The following NTRK2 variants were observed in gnomAD, a reference collection of about 807,000 sequenced individuals.
NTRK2 encodes neurotrophic receptor tyrosine kinase 2.
A neutral mutation model predicts 94.5 loss-of-function variants in NTRK2; 13 were observed. That is an observed-to-expected ratio of 0.14 (90% CI 0.09 to 0.22). The LOEUF (loss-of-function observed/expected upper bound fraction) is 0.22, where lower values mean the gene tolerates loss of function less well. NTRK2 is among the 10% of genes least tolerant of loss of function. NTRK2 has a pLI of 1.00. For synonymous variants in NTRK2, 372 were observed against 407.4 expected (o/e 0.91, Z 1.05); for missense variants, 639 against 1,071.2 (o/e 0.60, Z 5.63).
intron 13 of NTRK2, among the ~76,000 whole-genome samples, chr9:84,862,040 A>G (rs891553466): frequency 6.6e-6 from 1 of 152,166 alleles, no homozygotes; most frequent in African/African-American, 2.4e-5. Flanking sequence ...CCAGTGATCC[A>G]AAAATGACCA....
At chr9:84,931,701 G>T (rs1463812468) in intron 14 of NTRK2, among the ~76,000 whole-genome samples, 3 of 130,452 alleles carry the variant, frequency 2.3e-5, no homozygotes, top group African/African-American at 9.0e-5. Flanking sequence ...AAGAAAGAAG[G>T]TATGTAATAA....
intron 12 of NTRK2, among the ~76,000 whole-genome samples, chr9:84,858,841 T>C (rs1304008685): frequency 1.3e-5 from 2 of 152,168 alleles, no homozygotes; most frequent in African/African-American, 4.8e-5. Context: ...TTTTGGTGAT[T>C]TTGGAGCATG....
At chr9:84,748,582 A>G (rs2064299574) in intron 11 of NTRK2, among the ~76,000 whole-genome samples, 1 of 152,200 alleles carries the variant, frequency 6.6e-6, no homozygotes, top group Admixed American at 6.5e-5. Flanking sequence ...AATCCCAGTT[A>G]AGGACTGTCC....
At chr9:84,835,873 C>A (rs917335367) in intron 12 of NTRK2, among the ~76,000 whole-genome samples, 2 of 152,192 alleles carry the variant, frequency 1.3e-5, no homozygotes, top group Non-Finnish European at 2.9e-5. Flanking sequence ...GCAATGCCAG[C>A]AAATCCTAAT....
rs146391556 is a variant in NTRK2 at position 85,008,935 on chromosome 9, C to T, written c.2173-11271C>T. On this transcript the variant is annotated intron_variant, in intron 17 of 18. Transcript: ENST00000277120. ...ACATCACCTCTTCAGAACTTTTAGT[C>T]TACTGGGGAAGTTTATAGGCTTGAT... 9.6e-4 allele frequency among the ~76,000 whole-genome samples: 147 copies of T among 152,342 alleles called. No individual in the cohort carries two copies. The East Asian group carries it at 0.016, about 17-fold the overall frequency.
chr9:84,804,380 G>A (rs2070858299), intron 12 of NTRK2, among the ~76,000 whole-genome samples: 1 of 152,186 alleles, frequency 6.6e-6, no homozygotes, highest in Non-Finnish European at 1.5e-5. Flanking sequence ...GCTGACCTAT[G>A]TGTACTTCTT....
intron 2 of NTRK2, among the ~76,000 whole-genome samples, chr9:84,692,112 A>G (rs531220417): frequency 1.3e-5 from 2 of 152,152 alleles, no homozygotes; most frequent in Non-Finnish European, 2.9e-5. Flanking sequence ...AATTGGTGCC[A>G]TGGTACCTGT....
intron 17 of NTRK2, 127 bp downstream of exon 17, chr9:84,955,644 T>C: frequency 1.2e-6 from 1 of 815,310 alleles, no homozygotes; most frequent in Non-Finnish European, 2.0e-6. Flanking sequence ...GACATGTGTT[T>C]CTCATGGCTC....
rs1164066847 is a variant in NTRK2, at chr9:84,871,257, G to C, written c.1633+3826G>C. ...AAACAGGCTGAAGGAAAAATGATAT[G>C]GGCTAGTGAGGGCCATGCTGGAGTA... On this transcript the variant is annotated intron_variant, in intron 14 of 18. Coordinates refer to ENST00000277120, the MANE Select transcript of NTRK2 (RefSeq NM_006180.6). 2.0e-5 allele frequency among the ~76,000 whole-genome samples: 3 copies of C among 152,148 alleles called. No individual in the cohort carries two copies. The East Asian group carries it at 5.8e-4, about 29-fold the overall frequency.
At chr9:84,924,620 T>C (rs1260854538) in intron 14 of NTRK2, among the ~76,000 whole-genome samples, 1 of 152,216 alleles carries the variant, frequency 6.6e-6, no homozygotes. Flanking sequence ...ATGTACCGTA[T>C]GTGTATTTTG....
chr9:84,794,736 T>A (rs2069103077), intron 12 of NTRK2, among the ~76,000 whole-genome samples: 1 of 152,184 alleles, frequency 6.6e-6, no homozygotes, highest in South Asian at 2.1e-4. Flanking sequence ...TTCTTGCATA[T>A]AAAGGGACTT....
chr9:84,944,745 G>A (rs1251204505), intron 15 of NTRK2, among the ~76,000 whole-genome samples: 1 of 152,170 alleles, frequency 6.6e-6, no homozygotes, highest in Non-Finnish European at 1.5e-5. Flanking sequence ...ATCTTGGGTT[G>A]GCCCCTGGGC....
At chr9:84,933,163 A>G (rs1255224072) in intron 14 of NTRK2, among the ~76,000 whole-genome samples, 1 of 152,204 alleles carries the variant, frequency 6.6e-6, no homozygotes. Context: ...ATGCACTACC[A>G]TTCAGCAACA....
At chr9:84,680,744 T>C (rs1391730967) in intron 2 of NTRK2, among the ~76,000 whole-genome samples, 2 of 152,208 alleles carry the variant, frequency 1.3e-5, no homozygotes, top group African/African-American at 4.8e-5. Flanking sequence ...GTATTCATTA[T>C]GTCTATTTTC....
chr9:84,724,088 G>C (rs2062269364), intron 7 of NTRK2, 136 bp from the exon 8 acceptor site: 1 of 906,172 alleles, frequency 1.1e-6, no homozygotes, highest in African/African-American at 1.7e-5. Flanking sequence ...TTCTTCGCCT[G>C]AGCCCAGTTC....
chr9:84,917,226 G>A (rs1248230197), intron 14 of NTRK2, among the ~76,000 whole-genome samples: 1 of 152,168 alleles, frequency 6.6e-6, no homozygotes, highest in East Asian at 1.9e-4. Context: ...AAGTGCATTT[G>A]ACCCAAAATA....
intron 12 of NTRK2, among the ~76,000 whole-genome samples, chr9:84,834,469 A>T (rs2073753384): frequency 6.6e-6 from 1 of 152,016 alleles, no homozygotes; most frequent in Non-Finnish European, 1.5e-5. Context: ...TTCTTAAGTC[A>T]CTGTTAACAA....
chr9:84,920,939 TCTA>T (rs1353984584), intron 14 of NTRK2, among the ~76,000 whole-genome samples: 1 of 152,208 alleles, frequency 6.6e-6, no homozygotes, highest in Admixed American at 6.5e-5. Context: ...TCCAATATAA[TCTA>T]CTCGGAATAT....
chr9:84,829,627 C>T (rs1378888344), intron 12 of NTRK2, among the ~76,000 whole-genome samples: 2 of 152,242 alleles, frequency 1.3e-5, no homozygotes, highest in Admixed American at 6.5e-5. Context: ...CATGCTGGGC[C>T]GTTGTTGGAC....
Sources: allele counts gnomAD v4.1 joint callset (sites outside exome capture counted in the v4.1 genomes callset), GRCh38; gene constraint gnomAD v4.1.1; transcripts MANE v1.5; gene names NCBI Gene and HGNC (gene_info 2026-07-23, HGNC 2026-07-21).